Variants in CATSPERE observed in about 807,000 individuals in gnomAD.
CATSPERE encodes the protein cation channel sperm-associated auxiliary subunit epsilon.
A neutral mutation model predicts 114.1 loss-of-function variants in CATSPERE; 93 were observed. The ratio of observed to expected loss-of-function variants is 0.81; its 90% CI spans 0.69 to 0.97. The LOEUF is 0.97. Among genes scored for constraint, CATSPERE ranks in the 50% least tolerant of loss-of-function variants. The pLI, the probability that CATSPERE is intolerant of heterozygous loss-of-function variation, is 0.00. For synonymous variants in CATSPERE, 341 were observed against 384.1 expected, an observed-to-expected ratio of 0.89 and a Z score of 1.31; for missense variants, 1,058 against 1,131.6, an observed-to-expected ratio of 0.93 and a Z score of 0.93.
At chr1:244,626,359 C>T (rs1415475635) in intron 20 of CATSPERE, among the ~76,000 whole-genome samples, 2 of 151,936 alleles carry the variant, frequency 1.3e-5, no homozygotes, top group Non-Finnish European at 2.9e-5. Context: ...GTGGCAGGCA[C>T]CTGTAATCCC....
chr1:244,454,861 C>T (rs2148036469), intron 1 of CATSPERE, among the ~76,000 whole-genome samples: 1 of 152,196 alleles, frequency 6.6e-6, no homozygotes, highest in South Asian at 2.1e-4. Context: ...TTCAAGCCGG[C>T]TTGGCAGGCT....
chr1:244,471,756 T>G (rs989288220), intron 2 of CATSPERE, among the ~76,000 whole-genome samples: 2 of 152,220 alleles, frequency 1.3e-5, no homozygotes, highest in African/African-American at 2.4e-5. Context: ...TGCATTCTTA[T>G]GCCACCATTT....
chr1:244,490,989 T>G lies in CATSPERE; in HGVS notation c.351+518T>G, dbSNP rs185570941. Among the ~76,000 whole-genome samples, 295 of 152,202 alleles carry G rather than the reference T, an allele frequency of 1.9e-3. 4 individuals are homozygous for G. Among genetic ancestry groups the G allele is most frequent in the Non-Finnish European group, 3.2e-4 (22 of 68,010 alleles). Reference sequence around the variant, plus strand: ...AAAGCCTTGTAGGATTCTTAATAATTTTTAAAAGTATGAAGGGGGTCCTAC... The same window carrying G: ...AAAGCCTTGTAGGATTCTTAATAATGTTTAAAAGTATGAAGGGGGTCCTAC... On this transcript the variant is annotated intron_variant, in intron 6 of 21. Transcript: ENST00000366534.
chr1:244,624,347 G>A (rs183455316), intron 20 of CATSPERE, among the ~76,000 whole-genome samples: 16 of 152,220 alleles, frequency 1.1e-4, no homozygotes, highest in Admixed American at 6.5e-4. Flanking sequence ...TGTAGCATGC[G>A]ATGCTGTTTG....
At chr1:244,545,717 T>G (rs369055377) in intron 8 of CATSPERE, among the ~76,000 whole-genome samples, 5 of 152,320 alleles carry the variant, frequency 3.3e-5, no homozygotes, top group Admixed American at 6.5e-5. Context: ...GAACTGTTAC[T>G]TGACCCAGTG....
intron 11 of CATSPERE, among the ~76,000 whole-genome samples, chr1:244,579,568 T>C (rs1199662611): frequency 6.6e-6 from 1 of 152,184 alleles, no homozygotes; most frequent in African/African-American, 2.4e-5. Context: ...ATCCCATATA[T>C]AAGTGTACTT....
intron 7 of CATSPERE, among the ~76,000 whole-genome samples, chr1:244,511,397 T>G (rs377619240): frequency 1.4e-4 from 21 of 151,434 alleles, no homozygotes; most frequent in African/African-American, 4.8e-4. Context: ...TTGGATTGTG[T>G]TTTTTTTTAA....
chr1:244,491,409 A>G (rs1253229988), intron 6 of CATSPERE, among the ~76,000 whole-genome samples: 4 of 152,086 alleles, frequency 2.6e-5, no homozygotes, highest in Non-Finnish European at 5.9e-5. Flanking sequence ...GAACAAAGAC[A>G]CAACATACCA....
chr1:244,486,636 G>C (rs1413150875), intron 5 of CATSPERE, among the ~76,000 whole-genome samples: 1 of 112,922 alleles, frequency 8.9e-6, no homozygotes, highest in Non-Finnish European at 1.9e-5. Flanking sequence ...GTAGACCCTC[G>C]TAGTCACCTG....
At chr1:244,578,541 T>C in intron 11 of CATSPERE, among the ~76,000 whole-genome samples, 1 of 151,968 alleles carries the variant, frequency 6.6e-6, no homozygotes, top group Non-Finnish European at 1.5e-5. Context: ...AACACATATT[T>C]TATATGTATT....
intron 8 of CATSPERE, among the ~76,000 whole-genome samples, chr1:244,528,825 A>ACACACACACACACACACT (rs1471635883): frequency 6.8e-6 from 1 of 147,282 alleles, no homozygotes; most frequent in African/African-American, 2.5e-5. Context: ...ACACACACAC[A>ACACACACACACACACACT]CTCTACTCTT....
intron 13 of CATSPERE, 62 bp from the exon 14 acceptor site, chr1:244,588,420 T>G (rs1667306213): frequency 8.0e-7 from 1 of 1,253,254 alleles, no homozygotes. Flanking sequence ...GTTTTAGCTG[T>G]AATATTTTAG....
intron 8 of CATSPERE, among the ~76,000 whole-genome samples, chr1:244,531,802 T>C (rs1679645154): frequency 6.6e-6 from 1 of 152,196 alleles, no homozygotes; most frequent in Non-Finnish European, 1.5e-5. Flanking sequence ...TTGTTTGATA[T>C]GTCTTTTTCT....
At chr1:244,602,907 G>A (rs1669466091) in intron 17 of CATSPERE, among the ~76,000 whole-genome samples, 1 of 152,150 alleles carries the variant, frequency 6.6e-6, no homozygotes, top group Admixed American at 6.5e-5. Flanking sequence ...ATGCTCCATG[G>A]GGCCACACAT....
At chr1:244,521,346 C>T (rs1677518736) in intron 8 of CATSPERE, among the ~76,000 whole-genome samples, 1 of 151,964 alleles carries the variant, frequency 6.6e-6, no homozygotes, top group Non-Finnish European at 1.5e-5. Flanking sequence ...AGAGTGAGAC[C>T]TTGTCTCTAA....
At chr1:244,604,419 A>G (rs1669699242) in intron 17 of CATSPERE, among the ~76,000 whole-genome samples, 1 of 152,286 alleles carries the variant, frequency 6.6e-6, no homozygotes, top group Admixed American at 6.5e-5. Flanking sequence ...GCTTTTAATA[A>G]CAAGGGTTGG....
chr1:244,539,988 G>A (rs9662959), intron 8 of CATSPERE, among the ~76,000 whole-genome samples: 17,781 of 151,336 alleles, frequency 0.12, 1,690 homozygotes, highest in African/African-American at 0.26. Flanking sequence ...GTTCTGCTCT[G>A]ATTTTAGTTA....
At chr1:244,479,170 C>A (rs560998562) in intron 4 of CATSPERE, among the ~76,000 whole-genome samples, 1 of 151,586 alleles carries the variant, frequency 6.6e-6, no homozygotes, top group Admixed American at 6.6e-5. Flanking sequence ...CTAGGCTCAC[C>A]GCATCCTCCG....
intron 6 of CATSPERE, among the ~76,000 whole-genome samples, chr1:244,493,746 A>G (rs1375759643): frequency 6.6e-6 from 1 of 152,230 alleles, no homozygotes; most frequent in Non-Finnish European, 1.5e-5. Flanking sequence ...ACTCAAACAA[A>G]TTTACAAGAA....
Sources: gnomAD v4.1 joint callset for allele counts (sites outside exome capture counted in the v4.1 genomes callset) on GRCh38, gnomAD v4.1.1 for gene constraint, MANE v1.5 for transcripts, NCBI Gene and HGNC (gene_info 2026-07-23, HGNC 2026-07-21) for gene names.